C7orf33: variants seen among roughly 807,000 people sequenced by gnomAD.
The protein encoded by C7orf33 is chromosome 7 open reading frame 33.
A neutral mutation model predicts 13.4 loss-of-function variants in C7orf33; 15 were observed. That is an observed-to-expected ratio of 1.12 (90% confidence interval 0.75 to 1.72). The LOEUF is 1.72. Among genes scored for constraint, C7orf33 ranks in the 40% most tolerant of loss-of-function variants. C7orf33 has a pLI of 0.00. For missense variants in C7orf33, 187 were observed against 220.3 expected, an observed-to-expected ratio of 0.85 and a Z score of 0.96; for synonymous variants, 73 against 83.2, an observed-to-expected ratio of 0.88 and a Z score of 0.67.
intron 1 of C7orf33, among the ~76,000 whole-genome samples, chr7:148,595,689 A>G (rs1796331143): frequency 7.4e-6 from 1 of 134,696 alleles, no homozygotes; most frequent in South Asian, 2.2e-4. Flanking sequence ...ATAGATCTAT[A>G]TTATATAGAT....
intron 1 of C7orf33, among the ~76,000 whole-genome samples, chr7:148,603,814 C>T (rs1037357309): frequency 6.6e-6 from 1 of 152,210 alleles, no homozygotes; most frequent in African/African-American, 2.4e-5. Context: ...CCCTCACTCA[C>T]TCCATAGACA....
chr7:148,594,054 C>T (rs896964064), intron 1 of C7orf33, among the ~76,000 whole-genome samples: 5 of 151,978 alleles, frequency 3.3e-5, no homozygotes, highest in Non-Finnish European at 7.4e-5. Context: ...TTCGATGTGC[C>T]TGCTTCTACT....
chr7:148,606,916 C>T (rs961000471), intron 1 of C7orf33, among the ~76,000 whole-genome samples: 1 of 71,268 alleles, frequency 1.4e-5, no homozygotes, highest in African/African-American at 3.6e-5. Context: ...TGGAATAGAC[C>T]CCATTTAAAA....
chr7:148,595,365 T>G (rs1455507537), intron 1 of C7orf33, among the ~76,000 whole-genome samples: 1 of 135,910 alleles, frequency 7.4e-6, no homozygotes, highest in Non-Finnish European at 1.5e-5. Context: ...ATATATCAAA[T>G]ATAATATAGA....
chr7:148,606,034 C>T (rs1009299402), intron 1 of C7orf33, among the ~76,000 whole-genome samples: 1 of 152,124 alleles, frequency 6.6e-6, no homozygotes, highest in Non-Finnish European at 1.5e-5. Context: ...CATGTTCATC[C>T]TGCAGGAATC....
rs1796595780 is a variant in C7orf33, at chr7:148,615,750, G to C, written c.*349G>C. On this transcript the variant is annotated 3_prime_UTR_variant, in exon 3 of 3. Coordinates refer to ENST00000307003, the MANE Select transcript of C7orf33 (RefSeq NM_145304.4). The stretch of plus-strand genomic sequence containing the variant: ...CCATTGTCTGCTGTGTGCTCCCGAT[G>C]ATGAGACTCTAGAGTTTACAACTGA... The C allele has an allele frequency of 4.6e-6, 1 of 217,728 alleles. No homozygotes were observed. Among genetic ancestry groups the C allele is most frequent in the Non-Finnish European group, 9.4e-6 (1 of 106,512 alleles). 13.5% of individuals were successfully genotyped at this position (217,728 alleles called of 1,614,324 possible).
intron 1 of C7orf33, among the ~76,000 whole-genome samples, chr7:148,597,842 G>T (rs536737875): frequency 6.6e-6 from 1 of 152,050 alleles, no homozygotes; most frequent in Admixed American, 6.6e-5. Context: ...TGCAAGCTCC[G>T]CTTCCCAGGT....
chr7:148,614,036 T>C lies in C7orf33; in HGVS notation c.205-6T>C. On this transcript the variant is annotated splice_polypyrimidine_tract_variant and splice_region_variant and intron_variant, in intron 1 of 2. Coordinates refer to ENST00000307003, the MANE Select transcript of C7orf33 (RefSeq NM_145304.4). Reference sequence around the variant, plus strand: ...CCCAATTTGTTTGTTTGTTTGTTTTTTCCAGAAGCCAAACCCACACCAAAA... The same window carrying C: ...CCCAATTTGTTTGTTTGTTTGTTTTCTCCAGAAGCCAAACCCACACCAAAA... 2 of 1,611,626 alleles carry C rather than the reference T, an allele frequency of 1.2e-6. No individual in the cohort carries two copies. Among genetic ancestry groups the C allele is most frequent in the Non-Finnish European group, 1.7e-6 (2 of 1,177,992 alleles).
chr7:148,615,740 T>C lies in C7orf33; in HGVS notation c.*339T>C. On this transcript the variant is annotated 3_prime_UTR_variant, in exon 3 of 3. Transcript: ENST00000307003. ...GTTTCCCTGACCATTGTCTGCTGTGTGCTCCCGATGATGAGACTCTAGAGT... is the reference window on the plus strand; with the variant it reads ...GTTTCCCTGACCATTGTCTGCTGTGCGCTCCCGATGATGAGACTCTAGAGT... The C allele has an allele frequency of 4.3e-6, 1 of 231,572 alleles. No individual in the cohort carries two copies. The highest frequency in any genetic ancestry group is 9.0e-5 in the East Asian group (1 of 11,134). The allele number at this position is 231,572 out of a possible 1,614,324, so 14.3% of individuals were successfully genotyped here. A position where few individuals can be genotyped will look rare whatever the true frequency, so the allele number is the denominator to read the frequency against.
chr7:148,598,214 C>T (rs1282985749), intron 1 of C7orf33, among the ~76,000 whole-genome samples: 3 of 152,210 alleles, frequency 2.0e-5, no homozygotes, highest in East Asian at 1.9e-4. Flanking sequence ...GCTTATGAAA[C>T]GCATCCATAT....
intron 1 of C7orf33, among the ~76,000 whole-genome samples, chr7:148,607,433 T>C (rs1169566751): frequency 2.0e-5 from 3 of 151,838 alleles, no homozygotes; most frequent in Non-Finnish European, 4.4e-5. Context: ...AATCCTCCTT[T>C]TGGAGTGGCA....
chr7:148,612,362 T>C (rs571645255), intron 1 of C7orf33, among the ~76,000 whole-genome samples: 37 of 152,332 alleles, frequency 2.4e-4, no homozygotes, highest in Non-Finnish European at 4.6e-4. Flanking sequence ...TCTTTCAAAA[T>C]GTTGGAACTA....
intron 1 of C7orf33, among the ~76,000 whole-genome samples, chr7:148,598,757 TATATATAGAGAGAGAGAGAGAGAGAGAG>T (rs1266744752): frequency 3.4e-4 from 14 of 41,336 alleles, no homozygotes; most frequent in African/African-American, 1.6e-3. Context: ...TATATATATA[TATATATAGAGAGAGAGAGAGAGAGAGAG>T]AGAGAGAGAG....
intron 1 of C7orf33, among the ~76,000 whole-genome samples, chr7:148,593,465 A>G (rs1186385432): frequency 7.2e-5 from 11 of 151,870 alleles, no homozygotes; most frequent in Admixed American, 7.2e-4. Context: ...AGGTTTCACC[A>G]TGTTGGCCAG....
chr7:148,598,467 G>A (rs1796367897), intron 1 of C7orf33, among the ~76,000 whole-genome samples: 1 of 151,842 alleles, frequency 6.6e-6, no homozygotes, highest in Admixed American at 6.6e-5. Flanking sequence ...AGAACTGTTT[G>A]TTTCTGGTAA....
At chr7:148,602,608 A>G (rs1367491062) in intron 1 of C7orf33, among the ~76,000 whole-genome samples, 1 of 152,192 alleles carries the variant, frequency 6.6e-6, no homozygotes, top group African/African-American at 2.4e-5. Flanking sequence ...AAAAAATAAA[A>G]AATAAAAGTC....
chr7:148,592,887 C>G (rs1796285838), intron 1 of C7orf33, among the ~76,000 whole-genome samples: 1 of 152,142 alleles, frequency 6.6e-6, no homozygotes, highest in Admixed American at 6.6e-5. Flanking sequence ...GTCACCCAGG[C>G]TGAAGTGCAA....
intron 1 of C7orf33, 38 bp from the exon 2 acceptor site, chr7:148,614,004 C>T (rs1406255923): frequency 1.3e-6 from 2 of 1,583,108 alleles, no homozygotes; most frequent in Admixed American, 1.8e-5. Context: ...ATCTTTCCAC[C>T]CTTTAACCCA....
chr7:148,615,367 A>G lies in C7orf33; in HGVS notation c.500A>G (p.Glu167Gly). Residue 167 changes from glutamate to glycine, a missense_variant, in exon 3 of 3, where the codon GAG (glutamate) becomes GGG (glycine). Physicochemically the swap from Glu to Gly is moderately conservative, Grantham distance 98. Transcript: ENST00000307003. ...GTAAGAAAGCTCCAGAATTCTGTTG[A>G]GGCCACAAGGATTTCCAGAACTGAC... ...HEVRKLQNSV[E>G]ATRISRTDSS 6.2e-7 allele frequency: 1 copy of G among 1,613,676 alleles called. No homozygotes were observed. The highest frequency in any genetic ancestry group is 8.5e-7 in the Non-Finnish European group (1 of 1,179,572).
Sources: gnomAD v4.1 joint callset for allele counts (sites outside exome capture counted in the v4.1 genomes callset) on GRCh38, gnomAD v4.1.1 for gene constraint, MANE v1.5 for transcripts, NCBI Gene and HGNC (gene_info 2026-07-23, HGNC 2026-07-21) for gene names.